The following ABLIM3 variants were observed in gnomAD, a reference collection of about 807,000 sequenced individuals.
ABLIM3 encodes actin-binding LIM protein 3.
ABLIM3 carries 61 observed loss-of-function variants against 109.5 expected under a neutral mutation model. The observed-to-expected ratio is 0.56, with a 90% CI of 0.45 to 0.69. ABLIM3 has a LOEUF of 0.69. Ranked by LOEUF, ABLIM3 falls within the 30% of genes least tolerant of loss-of-function variation. ABLIM3 has a pLI of 0.00. For synonymous variants in ABLIM3, 300 were observed against 324.8 expected (o/e 0.92, Z 0.82); for missense variants, 796 against 889.5 (o/e 0.89, Z 1.34).
In ABLIM3 at chr5:149,143,416, C is replaced by CT. The variant is rs543521229; in HGVS notation, c.13+1315dup. Among the ~76,000 whole-genome samples the CT allele has an allele frequency of 1.2e-3, 175 of 151,862 alleles. 1 individual carries two copies. Among genetic ancestry groups the CT allele is most frequent in the African/African-American group, 4.2e-3 (173 of 41,420 alleles). On this transcript the variant is annotated intron_variant, in intron 2 of 23. Coordinates refer to ENST00000309868, the MANE Select transcript of ABLIM3 (RefSeq NM_014945.5). ...AAGCCTTCTAATCTAAGAATCTACACTTTTTTTCTTAAAAAGCTAGAGCTG... is the reference window on the plus strand; with the variant it reads ...AAGCCTTCTAATCTAAGAATCTACACTTTTTTTTCTTAAAAAGCTAGAGCTG...
intron 8 of ABLIM3, among the ~76,000 whole-genome samples, chr5:149,223,136 T>C (rs1332198053): frequency 6.6e-6 from 1 of 152,160 alleles, no homozygotes; most frequent in African/African-American, 2.4e-5. Context: ...TTTTTTTTAT[T>C]TAGATTTTAA....
chr5:149,142,730 C>T (rs1752591235), intron 2 of ABLIM3, among the ~76,000 whole-genome samples: 2 of 152,172 alleles, frequency 1.3e-5, no homozygotes, highest in African/African-American at 4.8e-5. Context: ...TGGCCAAGGG[C>T]TCTAACATGC....
In ABLIM3 at chr5:149,237,495, C is replaced by A. The variant is rs1449751066; in HGVS notation, c.936C>A (p.Leu312=). 1 of 1,614,224 alleles carries A rather than the reference C, an allele frequency of 6.2e-7. No individual in the cohort carries two copies. The highest frequency in any genetic ancestry group is 1.3e-5 in the African/African-American group (1 of 75,064). ...EILNYKDLAA[L]PKVKSIYEVQ... ...TTAATTACAAAGACCTGGCGGCTCT[C>A]CCCAAGGTTAAGTCTATCTACGAGG... The change falls in exon 11 of 24, where the codon CTC becomes CTA. Residue 312 remains leucine, a synonymous_variant. Transcript: ENST00000309868.
intron 5 of ABLIM3, among the ~76,000 whole-genome samples, chr5:149,204,050 G>A (rs1758737958): frequency 6.6e-6 from 1 of 152,168 alleles, no homozygotes; most frequent in Admixed American, 6.5e-5. Flanking sequence ...GAAGTGTCTA[G>A]TCTTCCTGGA....
intron 8 of ABLIM3, chr5:149,218,680 C>T (rs930008270): frequency 2.0e-5 from 3 of 152,296 alleles, no homozygotes; most frequent in Admixed American, 6.5e-5. Flanking sequence ...CCTTGTCTTC[C>T]TGTGCCCTTC....
rs192263082 is a variant in ABLIM3 at position 149,202,870 on chromosome 5, A to G, written c.448+2442A>G. On this transcript the variant is annotated intron_variant, in intron 5 of 23. Transcript: ENST00000309868. Reference sequence around the variant, plus strand: ...AACCTTCACCATCACCATCACCACAATAATCATCATCATTGCAAACATTGA... The same window carrying G: ...AACCTTCACCATCACCATCACCACAGTAATCATCATCATTGCAAACATTGA... 2.2e-3 allele frequency among the ~76,000 whole-genome samples: 337 copies of G among 152,078 alleles called. 1 individual carries two copies. Among genetic ancestry groups the G allele is most frequent in the Non-Finnish European group, 3.2e-3 (217 of 67,966 alleles).
intron 4 of ABLIM3, among the ~76,000 whole-genome samples, chr5:149,199,360 CT>C (rs1758286573): frequency 6.6e-6 from 1 of 152,190 alleles, no homozygotes; most frequent in South Asian, 2.1e-4. Context: ...GTTAGAGTTT[CT>C]GATTGAGACT....
intron 2 of ABLIM3, among the ~76,000 whole-genome samples, chr5:149,169,255 A>G (rs1415529872): frequency 6.6e-6 from 1 of 152,156 alleles, no homozygotes; most frequent in Non-Finnish European, 1.5e-5. Context: ...TTGACGTAAC[A>G]GGAAACCCAG....
intron 2 of ABLIM3, among the ~76,000 whole-genome samples, chr5:149,155,352 G>A (rs1753784757): frequency 1.3e-5 from 2 of 152,114 alleles, no homozygotes; most frequent in Admixed American, 6.6e-5. Context: ...CATATTCTAG[G>A]CACCATGAAA....
At chr5:149,240,206 C>A (rs1752669016) in intron 13 of ABLIM3, among the ~76,000 whole-genome samples, 3 of 152,198 alleles carry the variant, frequency 2.0e-5, no homozygotes, top group Non-Finnish European at 4.4e-5. Context: ...ATCCGGAGGG[C>A]AGAACCAAGA....
intron 2 of ABLIM3, among the ~76,000 whole-genome samples, chr5:149,151,618 T>C (rs1446037135): frequency 6.6e-6 from 1 of 152,222 alleles, no homozygotes; most frequent in Non-Finnish European, 1.5e-5. Context: ...GTAGACCCTC[T>C]CTTCCTAAGA....
chr5:149,226,319 A>C lies in ABLIM3; in HGVS notation c.758-4330A>C, dbSNP rs141779530. On this transcript the variant is annotated intron_variant, in intron 8 of 23. Transcript: ENST00000309868. ...GCTAACATGGTGAAACCCCGTATCT[A>C]CTAAAAATACAAAAAATTAGCCGAG... Among the ~76,000 whole-genome samples the C allele has an allele frequency of 1.3e-3, 202 of 152,112 alleles. 2 individuals carry two copies. In the East Asian group the frequency reaches 0.03, roughly 23 times the overall value.
At chr5:149,222,323 T>A (rs1760733973) in intron 8 of ABLIM3, among the ~76,000 whole-genome samples, 1 of 152,180 alleles carries the variant, frequency 6.6e-6, no homozygotes, top group Non-Finnish European at 1.5e-5. Context: ...TTCAAGAGCA[T>A]ACGCCACTTA....
chr5:149,223,644 C>G (rs1760886574), intron 8 of ABLIM3, among the ~76,000 whole-genome samples: 1 of 152,184 alleles, frequency 6.6e-6, no homozygotes, highest in African/African-American at 2.4e-5. Context: ...GACTGGCTGT[C>G]TCCATGCAGT....
At chr5:149,212,553 T>C (rs1322424234) in intron 7 of ABLIM3, among the ~76,000 whole-genome samples, 1 of 151,976 alleles carries the variant, frequency 6.6e-6, no homozygotes, top group Non-Finnish European at 1.5e-5. Flanking sequence ...AGAGGTACAG[T>C]AGCAATGGAG....
intron 3 of ABLIM3, among the ~76,000 whole-genome samples, chr5:149,193,497 C>T (rs954594439): frequency 6.6e-6 from 1 of 151,954 alleles, no homozygotes; most frequent in Non-Finnish European, 1.5e-5. Flanking sequence ...ATGCTAAATT[C>T]TCTGATAGAA....
At chr5:149,161,106 T>C (rs1754324080) in intron 2 of ABLIM3, among the ~76,000 whole-genome samples, 1 of 152,136 alleles carries the variant, frequency 6.6e-6, no homozygotes, top group Admixed American at 6.5e-5. Context: ...TTTGAGTTAG[T>C]CCCAGGTCCG....
intron 2 of ABLIM3, among the ~76,000 whole-genome samples, chr5:149,170,228 TTCTCTC>T (rs10644957): frequency 9.4e-4 from 117 of 124,658 alleles, no homozygotes; most frequent in Middle Eastern, 4.3e-3. Context: ...AGGGTTCTGT[TTCTCTC>T]TCTCTCTCTC....
rs1226274905 is a variant in ABLIM3 at position 149,250,595 on chromosome 5, C to T, written c.1788+90C>T. 6.8e-6 allele frequency: 10 copies of T among 1,473,720 alleles called. No homozygotes were observed. The South Asian group carries it at 1.2e-4, about 17-fold the overall frequency. 91.3% of individuals were successfully genotyped at this position (1,473,720 alleles called of 1,614,324 possible). A position where few individuals can be genotyped will look rare whatever the true frequency, so the allele number is the denominator to read the frequency against. ...AGCTTATTGTAAGGTGAAACCTGAG[C>T]AAAGGTCCTGGGGCTAGTGGTGGGT... On this transcript the variant is annotated intron_variant, in intron 20 of 23. Coordinates refer to ENST00000309868, the MANE Select transcript of ABLIM3 (RefSeq NM_014945.5).
Sources: allele counts gnomAD v4.1 joint callset (sites outside exome capture counted in the v4.1 genomes callset), GRCh38; gene constraint gnomAD v4.1.1; transcripts MANE v1.5; gene names NCBI Gene and HGNC (gene_info 2026-07-23, HGNC 2026-07-21).